The following DEUP1 variants were observed in gnomAD, a reference collection of about 807,000 sequenced individuals.
The protein encoded by DEUP1 is coiled-coil domain containing 67.
In DEUP1, 82 loss-of-function variants were observed where a neutral mutation model predicts 87.4. That is an observed-to-expected ratio of 0.94 (90% CI 0.78 to 1.13). DEUP1 has a LOEUF of 1.13. Among genes scored for constraint, DEUP1 ranks in the 50% most tolerant of loss-of-function variants. The pLI is 0.00. For synonymous variants in DEUP1, 214 were observed against 222.7 expected, an observed-to-expected ratio of 0.96 and a Z score of 0.35; for missense variants, 663 against 681.5, an observed-to-expected ratio of 0.97 and a Z score of 0.30.
chr11:93,374,257 TGC>T (rs1945919258), intron 7 of DEUP1, among the ~76,000 whole-genome samples: 2 of 152,246 alleles, frequency 1.3e-5, no homozygotes, highest in African/African-American at 4.8e-5. Context: ...TTATTTATTT[TGC>T]TGTGTAGAAG....
rs545897226 is a variant in DEUP1, at chr11:93,339,156, T to C, written c.29+6868T>C. 1.1e-4 allele frequency among the ~76,000 whole-genome samples: 17 copies of C among 152,380 alleles called. 1 individual carries two copies. In the South Asian group the frequency reaches 2.9e-3, roughly 26 times the overall value. ...CCTCTAAAAGCAATTATTAAGTTAT[T>C]GTTGCTTCTTATAATAGAAAGTGTT... On this transcript the variant is annotated intron_variant, in intron 2 of 13. Transcript: ENST00000298050.
At chr11:93,354,484 C>G (rs567125921) in intron 2 of DEUP1, among the ~76,000 whole-genome samples, 2 of 152,246 alleles carry the variant, frequency 1.3e-5, no homozygotes, top group East Asian at 3.9e-4. Context: ...CAGCAACGCC[C>G]CACTCTACTG....
chr11:93,394,314 T>G, intron 9 of DEUP1, 145 bp from the exon 10 acceptor site: 1 of 540,994 alleles, frequency 1.8e-6, no homozygotes, highest in Non-Finnish European at 3.2e-6. Flanking sequence ...TGTATCTGTT[T>G]TTAATTTAGC....
chr11:93,398,907 G>A (rs557076342), intron 11 of DEUP1, among the ~76,000 whole-genome samples: 1 of 152,052 alleles, frequency 6.6e-6, no homozygotes, highest in Admixed American at 6.6e-5. Flanking sequence ...ATTTTTAGTA[G>A]AGATGGGGTT....
intron 11 of DEUP1, among the ~76,000 whole-genome samples, chr11:93,406,977 A>G (rs1471645546): frequency 6.6e-6 from 1 of 152,086 alleles, no homozygotes; most frequent in Non-Finnish European, 1.5e-5. Flanking sequence ...CGAAATGGTA[A>G]TATTGAATGG....
intron 9 of DEUP1, among the ~76,000 whole-genome samples, chr11:93,391,007 G>A (rs1311009088): frequency 2.0e-5 from 3 of 151,628 alleles, no homozygotes; most frequent in Admixed American, 6.6e-5. Context: ...GCTTGAACTC[G>A]GGAGGCGGAG....
At position 93,432,850 on chromosome 11, in the gene DEUP1, A is replaced by G. The variant is rs561717428; in HGVS notation, c.1639-4693A>G. Among the ~76,000 whole-genome samples, 205 of 152,312 alleles carry G rather than the reference A, an allele frequency of 1.3e-3. 1 individual carries two copies. Among genetic ancestry groups the G allele is most frequent in the African/African-American group, 4.7e-3 (197 of 41,570 alleles). ...GGAAGGATGATGGATAGGTTGCTTT[A>G]AATCTCAATTAGTAAATAATGCAGT... On this transcript the variant is annotated intron_variant, in intron 13 of 13. Transcript: ENST00000298050.
chr11:93,436,134 G>A (rs1262636716), intron 13 of DEUP1, among the ~76,000 whole-genome samples: 1 of 152,166 alleles, frequency 6.6e-6, no homozygotes, highest in Non-Finnish European at 1.5e-5. Flanking sequence ...CCACATAGCA[G>A]TAGACACCTA....
At chr11:93,370,738 A>G (rs1181324200) in intron 6 of DEUP1, among the ~76,000 whole-genome samples, 1 of 152,140 alleles carries the variant, frequency 6.6e-6, no homozygotes, top group Non-Finnish European at 1.5e-5. Context: ...CAACCATTGT[A>G]TAATTGAATT....
At position 93,437,743 on chromosome 11, in the gene DEUP1, T is replaced by TCCCCC. The variant is rs5793640; in HGVS notation, c.*29_*33dup. The TCCCCC allele has an allele frequency of 8.6e-6, 8 of 929,178 alleles. No homozygotes were observed. The highest frequency in any genetic ancestry group is 4.0e-5 in the African/African-American group (2 of 50,554). 57.6% of individuals were successfully genotyped at this position (929,178 alleles called of 1,614,324 possible). A position where few individuals can be genotyped will look rare whatever the true frequency, so the allele number is the denominator to read the frequency against. On this transcript the variant is annotated 3_prime_UTR_variant, in exon 14 of 14. Transcript: ENST00000298050. ...GAGCTTTTAAACTTTTTTATTTGCT[T>TCCCCC]CCCCCCCCCACCCCCGCCAAGAAAA...
rs150410827 is a variant in DEUP1, at chr11:93,379,172, G to A, written c.790-6226G>A. Reference sequence around the variant, plus strand: ...GGGGCCATTTACAGGATCCAAGAGCGGCCCTTTTTCAGGCTGAGAGTCAGC... The same window carrying A: ...GGGGCCATTTACAGGATCCAAGAGCAGCCCTTTTTCAGGCTGAGAGTCAGC... On this transcript the variant is annotated intron_variant, in intron 7 of 13. Coordinates refer to ENST00000298050, the MANE Select transcript of DEUP1 (RefSeq NM_181645.4). Among the ~76,000 whole-genome samples, 1,266 of 152,198 alleles carry A rather than the reference G, an allele frequency of 8.3e-3. 24 individuals are homozygous for A. The highest frequency in any genetic ancestry group is 0.029 in the African/African-American group (1,205 of 41,512).
chr11:93,429,406 G>C (rs1948034906), intron 13 of DEUP1, among the ~76,000 whole-genome samples: 2 of 152,122 alleles, frequency 1.3e-5, no homozygotes, highest in Non-Finnish European at 2.9e-5. Context: ...TGATCACTAA[G>C]GACTTAAAGT....
At chr11:93,409,302 C>T (rs1947369023) in intron 12 of DEUP1, among the ~76,000 whole-genome samples, 1 of 152,194 alleles carries the variant, frequency 6.6e-6, no homozygotes, top group African/African-American at 2.4e-5. Context: ...ACATTATTCC[C>T]ATACTCTGTA....
chr11:93,431,853 A>T (rs760746988), intron 13 of DEUP1, among the ~76,000 whole-genome samples: 2 of 152,204 alleles, frequency 1.3e-5, no homozygotes, highest in Non-Finnish European at 2.9e-5. Context: ...CTGAGCATTG[A>T]GTAGATGCTA....
intron 8 of DEUP1, among the ~76,000 whole-genome samples, chr11:93,387,072 A>C (rs566350159): frequency 6.6e-6 from 1 of 152,220 alleles, no homozygotes; most frequent in African/African-American, 2.4e-5. Flanking sequence ...TCCTCTATTT[A>C]ACTTGGCATT....
intron 13 of DEUP1, 180 bp downstream of exon 13, chr11:93,415,294 C>A (rs1192229305): frequency 5.6e-6 from 2 of 356,248 alleles, no homozygotes; most frequent in African/African-American, 2.1e-5. Flanking sequence ...GAAAAGATAT[C>A]CATAATATTT....
At chr11:93,371,570 C>A (rs1945731294) in intron 7 of DEUP1, among the ~76,000 whole-genome samples, 1 of 152,000 alleles carries the variant, frequency 6.6e-6, no homozygotes, top group Non-Finnish European at 1.5e-5. Context: ...CATGTACTAC[C>A]CTCTTCCCCC....
At chr11:93,343,002 T>G (rs1944156356) in intron 2 of DEUP1, among the ~76,000 whole-genome samples, 2 of 152,100 alleles carry the variant, frequency 1.3e-5, no homozygotes, top group Admixed American at 6.6e-5. Context: ...TTTGAACATG[T>G]GAAGTTTGAG....
chr11:93,408,246 A>G lies in DEUP1; in HGVS notation c.1342A>G (p.Asn448Asp). The change falls in exon 12 of 14, where the codon AAC (asparagine) becomes GAC (aspartate). Residue 448 changes from asparagine to aspartate, a missense_variant. Transcript: ENST00000298050. Reference protein sequence around the residue: ...PGEYMSMDFTNREQSRHTSIN... With the variant: ...PGEYMSMDFTDREQSRHTSIN... ...TATTCTCTAGAGTATGGACTTCACT[A>G]ACAGGGAACAGTCAAGGCATACATC... The G allele has an allele frequency of 6.4e-7, 1 of 1,574,102 alleles. No homozygotes were observed. The highest frequency in any genetic ancestry group is 8.6e-7 in the Non-Finnish European group (1 of 1,159,254).
Sources: allele counts gnomAD v4.1 joint callset (sites outside exome capture counted in the v4.1 genomes callset), GRCh38; gene constraint gnomAD v4.1.1; transcripts MANE v1.5; gene names NCBI Gene and HGNC (gene_info 2026-07-23, HGNC 2026-07-21).